The following NUP98 variants were observed in gnomAD, a reference collection of about 807,000 sequenced individuals.
The protein encoded by NUP98 is nucleoporin 98 and 96 precursor, also known as nuclear pore complex protein Nup98-Nup96.
NUP98 carries 26 observed loss-of-function variants against 191.9 expected under a neutral mutation model. The observed-to-expected ratio is 0.14, with a 90% CI of 0.10 to 0.19. The LOEUF is 0.19. Ranked by LOEUF, NUP98 falls within the 10% of genes least tolerant of loss-of-function variation. The pLI is 1.00. For missense variants in NUP98, 1,941 were observed against 2,178.8 expected (o/e 0.89, Z 2.17); for synonymous variants, 808 against 778.4 (o/e 1.04, Z -0.63).
chr11:3,746,980 GACT>G (rs950917373), intron 11 of NUP98, among the ~76,000 whole-genome samples: 7 of 151,424 alleles, frequency 4.6e-5, no homozygotes, highest in Non-Finnish European at 1.0e-4. Flanking sequence ...AAAATGACTT[GACT>G]ACTGACTATT....
At chr11:3,773,563 C>A in intron 6 of NUP98, 69 bp downstream of exon 6, 2 of 997,754 alleles carry the variant, frequency 2.0e-6, no homozygotes, top group Non-Finnish European at 3.0e-6. Flanking sequence ...AAATCAAAAC[C>A]ATTTTTAAAA....
chr11:3,678,738 G>A (rs991899470), intron 31 of NUP98, among the ~76,000 whole-genome samples: 1 of 152,104 alleles, frequency 6.6e-6, no homozygotes, highest in Admixed American at 6.6e-5. Flanking sequence ...CCTCTAAAAG[G>A]ACTTGAATCC....
intron 10 of NUP98, among the ~76,000 whole-genome samples, chr11:3,755,002 T>A (rs2080909949): frequency 6.6e-6 from 1 of 150,938 alleles, no homozygotes; most frequent in African/African-American, 2.4e-5. Flanking sequence ...TCTGTACTGC[T>A]GCCATTACTT....
At chr11:3,688,820 C>CATATACATATATATATATATATATATAT (rs1388681065) in intron 28 of NUP98, among the ~76,000 whole-genome samples, 6 of 136,276 alleles carry the variant, frequency 4.4e-5, no homozygotes, top group African/African-American at 1.7e-4. Flanking sequence ...TTTAAATATA[C>CATATACATATATATATATATATATATAT]ATATATATAT....
intron 4 of NUP98, among the ~76,000 whole-genome samples, chr11:3,777,596 G>A (rs1271082571): frequency 2.7e-5 from 4 of 147,910 alleles, no homozygotes; most frequent in East Asian, 3.9e-4. Flanking sequence ...ACTCCAGCCC[G>A]GGTAACAGAT....
chr11:3,787,982 G>A (rs2082199567), intron 1 of NUP98, among the ~76,000 whole-genome samples: 1 of 151,902 alleles, frequency 6.6e-6, no homozygotes, highest in Non-Finnish European at 1.5e-5. Flanking sequence ...CGGAGCCAGA[G>A]TCCATCTCAA....
chr11:3,780,373 A>AC lies in NUP98; in HGVS notation c.77-1117_77-1116insG, dbSNP rs1334091837. Among the ~76,000 whole-genome samples the AC allele has an allele frequency of 7.5e-3, 977 of 130,262 alleles. 10 individuals carry two copies. Among genetic ancestry groups the AC allele is most frequent in the African/African-American group, 0.022 (795 of 35,464 alleles). 85.5% of individuals were successfully genotyped at this position (130,262 alleles called of 152,430 possible). ...GTGAAACCCTGTCTCCACTTAAAAT[A>AC]AAAAAAAAAAAAAAAAAAATTAGCC... is the stretch of plus-strand genomic sequence containing the variant. On this transcript the variant is annotated intron_variant, in intron 2 of 32. Transcript: ENST00000324932.
chr11:3,732,287 TA>T (rs1199888902), intron 13 of NUP98, among the ~76,000 whole-genome samples: 1 of 152,194 alleles, frequency 6.6e-6, no homozygotes, highest in Non-Finnish European at 1.5e-5. Flanking sequence ...AAAAGTTCTG[TA>T]AATTAAAATG....
In NUP98 at chr11:3,695,458, A is replaced by G. The variant is rs774831673; in HGVS notation, c.4158T>C (p.Ala1386=). The G allele has an allele frequency of 2.2e-5, 34 of 1,548,526 alleles. No homozygotes were observed. The highest frequency in any genetic ancestry group is 4.2e-5 in the Admixed American group (2 of 48,072). ...DERLRIFALL[A]GKPVWQLSEK... ...TAAAAGTAGAAGATACCGGTTTTCC[A>G]GCCAACAGAGCAAAGATGCGCAGTC... Residue 1386 remains alanine, a synonymous_variant, in exon 26 of 33, where the codon GCT becomes GCC. Transcript: ENST00000324932.
intron 9 of NUP98, among the ~76,000 whole-genome samples, chr11:3,762,280 T>C (rs975298181): frequency 1.5e-5 from 2 of 137,024 alleles, no homozygotes; most frequent in African/African-American, 5.7e-5. Flanking sequence ...CAGCTAGTGG[T>C]TTTTTTTTTT....
rs2079315376 is a variant in NUP98 at position 3,719,553 on chromosome 11, A to AT, written c.2261-4dup. On this transcript the variant is annotated splice_polypyrimidine_tract_variant and splice_region_variant and intron_variant, in intron 17 of 32. Coordinates refer to ENST00000324932, the MANE Select transcript of NUP98 (RefSeq NM_016320.5). ...TTCAAAATAGATTGAACCATAACCT[A>AT]TAAATCAGAGCAAATAGTTAAAAAT... is the stretch of plus-strand genomic sequence containing the variant. 5 of 1,551,260 alleles carry AT rather than the reference A, an allele frequency of 3.2e-6. 1 individual carries two copies. The Middle Eastern group carries it at 5.2e-4, about 160-fold the overall frequency.
intron 30 of NUP98, among the ~76,000 whole-genome samples, chr11:3,682,273 G>A (rs762836952): frequency 6.6e-6 from 1 of 152,198 alleles, no homozygotes; most frequent in Non-Finnish European, 1.5e-5. Context: ...CACTGGAGTA[G>A]CACTTTAAAT....
At chr11:3,733,082 G>A (rs1469519960) in intron 13 of NUP98, among the ~76,000 whole-genome samples, 1 of 152,072 alleles carries the variant, frequency 6.6e-6, no homozygotes, top group Non-Finnish European at 1.5e-5. Context: ...CCGTTTTAAC[G>A]CATCTACTTC....
intron 1 of NUP98, among the ~76,000 whole-genome samples, chr11:3,787,475 CGAGA>C (rs1417458163): frequency 6.6e-6 from 1 of 152,022 alleles, no homozygotes; most frequent in Non-Finnish European, 1.5e-5. Flanking sequence ...CCCAGCTACT[CGAGA>C]GACTGAGGCA....
At chr11:3,679,834 C>A in intron 30 of NUP98, 126 bp from the exon 31 acceptor site, 1 of 785,654 alleles carries the variant, frequency 1.3e-6, no homozygotes, top group Non-Finnish European at 2.0e-6. Context: ...AGTAAAAGCA[C>A]ATACAGGCAT....
chr11:3,747,888 A>AGGGCCTGC (rs2080567644), intron 11 of NUP98, among the ~76,000 whole-genome samples: 2 of 152,190 alleles, frequency 1.3e-5, no homozygotes, highest in Non-Finnish European at 2.9e-5. Flanking sequence ...CCCAAACCCA[A>AGGGCCTGC]GGGCCTGCTT....
chr11:3,791,115 TC>T (rs1366967333), intron 1 of NUP98, among the ~76,000 whole-genome samples: 1 of 152,048 alleles, frequency 6.6e-6, no homozygotes, highest in Non-Finnish European at 1.5e-5. Context: ...CAGGATGGTC[TC>T]GATCTCCTGA....
chr11:3,779,810 A>C (rs1325020824), intron 2 of NUP98, among the ~76,000 whole-genome samples: 1 of 151,958 alleles, frequency 6.6e-6, no homozygotes, highest in African/African-American at 2.4e-5. Context: ...CTTTTCAATA[A>C]AAGTTACAGA....
intron 30 of NUP98, 138 bp downstream of exon 30, chr11:3,683,062 G>C (rs1050038673): frequency 7.9e-7 from 1 of 1,268,934 alleles, no homozygotes; most frequent in Middle Eastern, 2.7e-4. Context: ...CTTCTGCAGA[G>C]AGCTTTTGCA....
Sources: allele counts gnomAD v4.1 joint callset (sites outside exome capture counted in the v4.1 genomes callset), GRCh38; gene constraint gnomAD v4.1.1; transcripts MANE v1.5; gene names NCBI Gene and HGNC (gene_info 2026-07-23, HGNC 2026-07-21).